Variants in STXBP5L observed in about 807,000 individuals in gnomAD.
STXBP5L encodes syntaxin-binding protein 5-like.
STXBP5L carries 65 observed loss-of-function variants against 144.5 expected under a neutral mutation model. The observed-to-expected ratio is 0.45, with a 90% CI of 0.37 to 0.55. The LOEUF is 0.55. STXBP5L is among the 20% of genes least tolerant of loss of function. The pLI is 0.00. For synonymous variants in STXBP5L, 505 were observed against 469.6 expected, an observed-to-expected ratio of 1.08 and a Z score of -0.97; for missense variants, 1,298 against 1,405.5, an observed-to-expected ratio of 0.92 and a Z score of 1.22.
chr3:121,352,544 A>C lies in STXBP5L; in HGVS notation c.2177-26172A>C, dbSNP rs1355235586. ...TTGTACATTGATTTTGTATCCAGAG[A>C]CTTTGCTGAAGTTGCTTATCAGATA... is the stretch of plus-strand genomic sequence containing the variant. On this transcript the variant is annotated intron_variant, in intron 20 of 26. Coordinates refer to ENST00000471454, the MANE Select transcript of STXBP5L (RefSeq NM_001308330.2). 3.3e-5 allele frequency among the ~76,000 whole-genome samples: 5 copies of C among 152,204 alleles called. No individual in the cohort carries two copies. The South Asian group carries it at 6.2e-4, about 19-fold the overall frequency.
At chr3:121,224,747 T>C (rs767725341) in intron 11 of STXBP5L, among the ~76,000 whole-genome samples, 22 of 152,138 alleles carry the variant, frequency 1.4e-4, no homozygotes, top group Non-Finnish European at 2.6e-4. Context: ...AGAGAAACTG[T>C]CTTACAATAT....
intron 3 of STXBP5L, among the ~76,000 whole-genome samples, chr3:120,999,913 C>G (rs1298766315): frequency 1.3e-5 from 2 of 152,072 alleles, no homozygotes; most frequent in Non-Finnish European, 2.9e-5. Context: ...CATTTCTTTT[C>G]TTTAATGATG....
intron 20 of STXBP5L, among the ~76,000 whole-genome samples, chr3:121,376,308 A>C (rs75365014): frequency 0.022 from 3,344 of 152,196 alleles, 124 homozygotes; most frequent in African/African-American, 0.076. Context: ...GTTCTTATGT[A>C]CCCTTCTTAA....
At chr3:121,375,443 G>C (rs1249713070) in intron 20 of STXBP5L, among the ~76,000 whole-genome samples, 1 of 152,108 alleles carries the variant, frequency 6.6e-6, no homozygotes, top group Non-Finnish European at 1.5e-5. Flanking sequence ...TAAGCATACA[G>C]ACAGTAAGTG....
At chr3:121,380,310 T>C (rs748075884) in intron 21 of STXBP5L, among the ~76,000 whole-genome samples, 9 of 152,108 alleles carry the variant, frequency 5.9e-5, no homozygotes, top group Non-Finnish European at 1.3e-4. Flanking sequence ...TGCTAAGAGA[T>C]AAAAAGGAGA....
intron 19 of STXBP5L, among the ~76,000 whole-genome samples, chr3:121,313,868 T>G (rs1007020455): frequency 2.1e-5 from 3 of 140,334 alleles, no homozygotes; most frequent in African/African-American, 8.1e-5. Context: ...GAGGGTTTCC[T>G]CACTTCTCAG....
At chr3:121,207,464 A>G (rs2048382675) in intron 10 of STXBP5L, among the ~76,000 whole-genome samples, 1 of 152,210 alleles carries the variant, frequency 6.6e-6, no homozygotes, top group Admixed American at 6.5e-5. Context: ...ATGGCAATAA[A>G]AGCCAAAATT....
chr3:121,306,767 C>T (rs1364492026), intron 19 of STXBP5L, among the ~76,000 whole-genome samples: 1 of 152,126 alleles, frequency 6.6e-6, no homozygotes, highest in Non-Finnish European at 1.5e-5. Flanking sequence ...AAGAGCCTTC[C>T]TGGGATTTAA....
At chr3:120,964,382 A>G (rs1939286439) in intron 3 of STXBP5L, among the ~76,000 whole-genome samples, 1 of 152,034 alleles carries the variant, frequency 6.6e-6, no homozygotes, top group Non-Finnish European at 1.5e-5. Context: ...TCGATTTTAG[A>G]TCTTTCCTTC....
intron 20 of STXBP5L, among the ~76,000 whole-genome samples, chr3:121,348,210 A>G (rs150706000): frequency 0.036 from 5,420 of 152,212 alleles, 153 homozygotes; most frequent in Middle Eastern, 0.082. Context: ...ATCTATTGAG[A>G]TAATCATGTG....
chr3:121,304,347 T>G (rs966301292), intron 19 of STXBP5L, among the ~76,000 whole-genome samples: 1 of 152,100 alleles, frequency 6.6e-6, no homozygotes. Context: ...GGTAAGATTA[T>G]AAAAAACTAA....
intron 5 of STXBP5L, among the ~76,000 whole-genome samples, chr3:121,106,999 A>G (rs1030806924): frequency 1.3e-5 from 2 of 152,036 alleles, no homozygotes; most frequent in Non-Finnish European, 2.9e-5. Flanking sequence ...GATCAGTGAT[A>G]TTGAACTTTT....
intron 10 of STXBP5L, among the ~76,000 whole-genome samples, chr3:121,220,693 T>C (rs2048947320): frequency 6.6e-6 from 1 of 152,064 alleles, no homozygotes; most frequent in South Asian, 2.1e-4. Flanking sequence ...TTTTTTCTGC[T>C]CGACAACTAC....
intron 5 of STXBP5L, among the ~76,000 whole-genome samples, chr3:121,083,673 A>G (rs1042648226): frequency 2.6e-5 from 4 of 152,104 alleles, no homozygotes; most frequent in Non-Finnish European, 5.9e-5. Context: ...AAGAAAAAAA[A>G]AAAATGGTGT....
chr3:121,407,672 ATG>A (rs780471345), intron 23 of STXBP5L, 69 bp downstream of exon 23: 77 of 1,583,482 alleles, frequency 4.9e-5, no homozygotes, highest in Non-Finnish European at 6.3e-5. Context: ...TAAAAAATAT[ATG>A]TGTTATGTGC....
intron 19 of STXBP5L, among the ~76,000 whole-genome samples, chr3:121,285,443 A>T (rs552843062): frequency 6.6e-6 from 1 of 152,160 alleles, no homozygotes; most frequent in Non-Finnish European, 1.5e-5. Flanking sequence ...GTTATTTTAT[A>T]ATCAGAAAAC....
chr3:121,211,536 A>G (rs1014368969), intron 10 of STXBP5L, among the ~76,000 whole-genome samples: 2 of 148,216 alleles, frequency 1.3e-5, no homozygotes, highest in African/African-American at 5.0e-5. Context: ...TATTTTTTCT[A>G]CATCTTCTCC....
At chr3:121,303,557 T>C (rs1386919772) in intron 19 of STXBP5L, among the ~76,000 whole-genome samples, 1 of 152,160 alleles carries the variant, frequency 6.6e-6, no homozygotes, top group East Asian at 1.9e-4. Flanking sequence ...TAAATCATGC[T>C]GCTATAAAGA....
chr3:121,061,168 TAA>T (rs1275107008), intron 5 of STXBP5L, among the ~76,000 whole-genome samples: 2 of 152,230 alleles, frequency 1.3e-5, no homozygotes, highest in Non-Finnish European at 1.5e-5. Flanking sequence ...TCTGGTACGT[TAA>T]GTCTTTGTTC....
Sources: gnomAD v4.1 joint callset for allele counts (sites outside exome capture counted in the v4.1 genomes callset) on GRCh38, gnomAD v4.1.1 for gene constraint, MANE v1.5 for transcripts, NCBI Gene and HGNC (gene_info 2026-07-23, HGNC 2026-07-21) for gene names.